OTUD7A: variants seen among roughly 807,000 people sequenced by gnomAD.
The protein encoded by OTUD7A is OTU deubiquitinase 7A.
In OTUD7A, 12 loss-of-function variants were observed where a neutral mutation model predicts 65.7. The observed-to-expected ratio is 0.18, with a 90% CI of 0.12 to 0.30. The LOEUF (loss-of-function observed/expected upper bound fraction) is 0.30, where lower values mean the gene tolerates loss of function less well. Among genes scored for constraint, OTUD7A ranks in the 10% least tolerant of loss-of-function variants. The pLI, the probability that OTUD7A is intolerant of heterozygous loss-of-function variation, is 1.00. For synonymous variants in OTUD7A, 641 were observed against 586.3 expected, an observed-to-expected ratio of 1.09 and a Z score of -1.35; for missense variants, 1,148 against 1,304.8, an observed-to-expected ratio of 0.88 and a Z score of 1.85.
At chr15:31,860,603 CCT>C in intron 1 of OTUD7A, among the ~76,000 whole-genome samples, 1 of 92,256 alleles carries the variant, frequency 1.1e-5, no homozygotes, top group Non-Finnish European at 2.4e-5. Context: ...TCAGTATTCT[CCT>C]CGACCCCAGA....
chr15:31,728,748 C>T (rs541030769), intron 1 of OTUD7A, among the ~76,000 whole-genome samples: 16 of 152,346 alleles, frequency 1.1e-4, no homozygotes, highest in African/African-American at 3.1e-4. Flanking sequence ...CACGAACCCA[C>T]TTTTTTCCTT....
intron 1 of OTUD7A, among the ~76,000 whole-genome samples, chr15:31,791,929 C>A (rs1452382676): frequency 6.6e-6 from 1 of 152,090 alleles, no homozygotes; most frequent in African/African-American, 2.4e-5. Flanking sequence ...CTAAATAGCA[C>A]CTGGATGATG....
At chr15:31,588,014 C>G (rs184274095) in intron 3 of OTUD7A, among the ~76,000 whole-genome samples, 1 of 152,090 alleles carries the variant, frequency 6.6e-6, no homozygotes, top group South Asian at 2.1e-4. Flanking sequence ...AGCAATCCCA[C>G]TTGTTGGTAT....
intron 1 of OTUD7A, chr15:31,766,239 T>C: frequency 1.9e-6 from 3 of 1,550,920 alleles, no homozygotes; most frequent in African/African-American, 1.4e-5. Context: ...AGAAACGGTA[T>C]GTATCAACAG....
intron 1 of OTUD7A, among the ~76,000 whole-genome samples, chr15:31,726,587 T>C (rs1338169354): frequency 6.6e-6 from 1 of 152,216 alleles, no homozygotes; most frequent in Non-Finnish European, 1.5e-5. Flanking sequence ...CAAATCATTT[T>C]GCAAAGCAAG....
intron 5 of OTUD7A, among the ~76,000 whole-genome samples, chr15:31,547,730 A>G (rs958932988): frequency 6.6e-6 from 1 of 152,198 alleles, no homozygotes; most frequent in Non-Finnish European, 1.5e-5. Flanking sequence ...AGAAAAATAG[A>G]GGCCCCAGTT....
chr15:31,701,675 A>G (rs1893217190), intron 1 of OTUD7A, among the ~76,000 whole-genome samples: 1 of 151,166 alleles, frequency 6.6e-6, no homozygotes, highest in South Asian at 2.1e-4. Context: ...GCCTCCTCCA[A>G]AGAAATGTCC....
chr15:31,708,245 T>C (rs1362658928), intron 1 of OTUD7A, among the ~76,000 whole-genome samples: 6 of 152,266 alleles, frequency 3.9e-5, no homozygotes, highest in Non-Finnish European at 5.9e-5. Flanking sequence ...GTGGTAAAGA[T>C]GTGGGGAAAC....
chr15:31,771,116 T>C (rs758836526), intron 1 of OTUD7A, among the ~76,000 whole-genome samples: 1 of 152,186 alleles, frequency 6.6e-6, no homozygotes, highest in Non-Finnish European at 1.5e-5. Context: ...TCAACTGACT[T>C]TACTCACAGA....
At chr15:31,727,593 T>C (rs971355335) in intron 1 of OTUD7A, among the ~76,000 whole-genome samples, 6 of 152,200 alleles carry the variant, frequency 3.9e-5, no homozygotes, top group Non-Finnish European at 5.9e-5. Flanking sequence ...TAGAATGAAA[T>C]TCCAATGAAT....
chr15:31,834,295 A>G (rs1897003434), intron 1 of OTUD7A, among the ~76,000 whole-genome samples: 1 of 152,238 alleles, frequency 6.6e-6, no homozygotes, highest in Non-Finnish European at 1.5e-5. Context: ...AAGGAACAGA[A>G]CAGGAAGCTC....
chr15:31,688,278 C>A (rs1196189648), intron 1 of OTUD7A, among the ~76,000 whole-genome samples: 1 of 150,894 alleles, frequency 6.6e-6, no homozygotes, highest in Non-Finnish European at 1.5e-5. Context: ...GCCCAGTGAA[C>A]AAACTTATCA....
At chr15:31,802,058 T>C (rs1401292754) in intron 1 of OTUD7A, among the ~76,000 whole-genome samples, 1 of 151,832 alleles carries the variant, frequency 6.6e-6, no homozygotes, top group East Asian at 1.9e-4. Context: ...TAGTTAGGGT[T>C]CTCTAAAGGG....
chr15:31,765,134 A>AAT (rs1361568692), intron 1 of OTUD7A, among the ~76,000 whole-genome samples: 3 of 152,106 alleles, frequency 2.0e-5, no homozygotes, highest in Non-Finnish European at 4.4e-5. Context: ...TAGAATTCAA[A>AAT]ATATATATAT....
chr15:31,539,694 G>C (rs1887928371), intron 5 of OTUD7A, among the ~76,000 whole-genome samples: 1 of 152,114 alleles, frequency 6.6e-6, no homozygotes, highest in Non-Finnish European at 1.5e-5. Flanking sequence ...AAGTCATATA[G>C]GAGAATGTCT....
At chr15:31,713,745 A>G (rs1241573029) in intron 1 of OTUD7A, among the ~76,000 whole-genome samples, 1 of 151,608 alleles carries the variant, frequency 6.6e-6, no homozygotes, top group Non-Finnish European at 1.5e-5. Flanking sequence ...TGCAATCCAT[A>G]GACTCAGTAA....
chr15:31,597,696 CT>C (rs1279209254), intron 3 of OTUD7A, among the ~76,000 whole-genome samples: 11 of 152,286 alleles, frequency 7.2e-5, no homozygotes, highest in South Asian at 2.1e-4. Flanking sequence ...CCCCTAGGTC[CT>C]CAGAGATTCA....
intron 5 of OTUD7A, among the ~76,000 whole-genome samples, chr15:31,545,263 C>T (rs947076003): frequency 6.6e-6 from 1 of 151,944 alleles, no homozygotes; most frequent in Non-Finnish European, 1.5e-5. Flanking sequence ...AATGGACTTT[C>T]ATTACATAGC....
At chr15:31,778,105 G>A (rs1385887837) in intron 1 of OTUD7A, among the ~76,000 whole-genome samples, 2 of 152,100 alleles carry the variant, frequency 1.3e-5, no homozygotes, top group African/African-American at 4.8e-5. Flanking sequence ...AGCACCATGG[G>A]AATGGCCGAA....
Sources: gnomAD v4.1 joint callset for allele counts (sites outside exome capture counted in the v4.1 genomes callset) on GRCh38, gnomAD v4.1.1 for gene constraint, MANE v1.5 for transcripts, NCBI Gene and HGNC (gene_info 2026-07-23, HGNC 2026-07-21) for gene names.